Variants in CSMD1 observed in about 807,000 individuals in gnomAD.
The protein encoded by CSMD1 is CUB and sushi domain-containing protein 1.
Under a neutral mutation model 417.5 loss-of-function variants are expected in CSMD1, and 213 were observed. The ratio of observed to expected loss-of-function variants is 0.51; its 90% CI spans 0.46 to 0.57. The LOEUF (loss-of-function observed/expected upper bound fraction) is 0.57, where lower values mean the gene tolerates loss of function less well. Among genes scored for constraint, CSMD1 ranks in the 20% least tolerant of loss-of-function variants. The pLI is 0.00. For missense variants in CSMD1, 6,923 were observed against 4,529.7 expected (o/e 1.53, Z -15.17); for synonymous variants, 2,862 against 1,736.8 (o/e 1.65, Z -16.11).
At chr8:3,841,117 C>T (rs7004962) in intron 5 of CSMD1, among the ~76,000 whole-genome samples, 65,032 of 151,794 alleles carry the variant, frequency 0.43, 14,711 homozygotes, top group African/African-American at 0.57. Context: ...TCCAGGAAGC[C>T]TGGCACTATT....
At chr8:3,942,357 G>A (rs938691671) in intron 5 of CSMD1, among the ~76,000 whole-genome samples, 9 of 152,106 alleles carry the variant, frequency 5.9e-5, no homozygotes, top group Admixed American at 3.3e-4. Flanking sequence ...CGCCAAAATG[G>A]TAGAGGACGG....
intron 2 of CSMD1, among the ~76,000 whole-genome samples, chr8:4,595,296 G>A (rs555304553): frequency 1.3e-5 from 2 of 151,684 alleles, no homozygotes; most frequent in African/African-American, 2.4e-5. Flanking sequence ...AAAGGAAAGA[G>A]TAGATAAAGG....
At chr8:3,695,889 A>T (rs1303429396) in intron 7 of CSMD1, among the ~76,000 whole-genome samples, 1 of 152,180 alleles carries the variant, frequency 6.6e-6, no homozygotes, top group African/African-American at 2.4e-5. Context: ...TATTCATTGT[A>T]CTCATTTGAT....
intron 5 of CSMD1, among the ~76,000 whole-genome samples, chr8:3,944,703 G>C (rs1056175099): frequency 6.6e-6 from 1 of 152,124 alleles, no homozygotes; most frequent in Non-Finnish European, 1.5e-5. Context: ...AAATGCCTCA[G>C]GACATTTGTC....
At chr8:4,963,453 A>T (rs1585417992) in intron 1 of CSMD1, among the ~76,000 whole-genome samples, 1 of 151,442 alleles carries the variant, frequency 6.6e-6, no homozygotes, top group Non-Finnish European at 1.5e-5. Flanking sequence ...ACCCACCTCG[A>T]CCTCCCAAAG....
At position 4,814,215 on chromosome 8, in the gene CSMD1, T is replaced by TGTGTGTGC. The variant is rs138063472; in HGVS notation, c.86-176658_86-176657insGCACACAC. ...ATGATTTTGTGTGTGTGTGTGTGTG[T>TGTGTGTGC]GTGCGTGTGCGTGTGCGCATGTGCG... On this transcript the variant is annotated intron_variant, in intron 1 of 69. Transcript: ENST00000635120. Among the ~76,000 whole-genome samples, 85 of 151,594 alleles carry TGTGTGTGC rather than the reference T, an allele frequency of 5.6e-4. 1 individual carries two copies. In the South Asian group the frequency reaches 6.0e-3, roughly 11 times the overall value.
In CSMD1 at chr8:2,949,309, T is replaced by A; in HGVS notation, c.10392A>T (p.Leu3464=). The A allele has an allele frequency of 6.3e-7, 1 of 1,598,070 alleles. No individual in the cohort carries two copies. The highest frequency in any genetic ancestry group is 1.3e-5 in the African/African-American group (1 of 74,734). ...IHGKDFGKFK[L]ERQDPLNPDQ... is the part of the protein sequence containing the mutation. ...CTAAGTGCAACTTACCTTGCCTTTC[T>A]AGCTTAAATTTTCCAAAGTCTTTTC... is the stretch of plus-strand genomic sequence containing the variant. The change falls in exon 68 of 70, where the codon CTA becomes CTT. Residue 3464 remains leucine (L), a synonymous_variant. Transcript: ENST00000635120.
intron 10 of CSMD1, among the ~76,000 whole-genome samples, chr8:3,557,286 G>C (rs984168156): frequency 1.4e-4 from 21 of 152,178 alleles, no homozygotes; most frequent in African/African-American, 4.6e-4. Context: ...GGAGACAGCT[G>C]TACCTATTTT....
chr8:3,991,990 T>A (rs1037108235), intron 5 of CSMD1, among the ~76,000 whole-genome samples: 1 of 152,084 alleles, frequency 6.6e-6, no homozygotes, highest in African/African-American at 2.4e-5. Flanking sequence ...AAAAATACAC[T>A]ATTGAAAAAA....
At chr8:4,376,407 T>C (rs879309739) in intron 3 of CSMD1, among the ~76,000 whole-genome samples, 9 of 152,204 alleles carry the variant, frequency 5.9e-5, no homozygotes, top group Non-Finnish European at 8.8e-5. Context: ...GTGATTCTCT[T>C]GTGCATATTT....
chr8:3,364,923 A>G (rs1467319445), intron 20 of CSMD1, among the ~76,000 whole-genome samples: 2 of 152,256 alleles, frequency 1.3e-5, no homozygotes, highest in Admixed American at 6.5e-5. Context: ...GGGCACCAGA[A>G]TAAGAAACTG....
chr8:4,747,549 G>T (rs1011934517), intron 1 of CSMD1, among the ~76,000 whole-genome samples: 9 of 152,162 alleles, frequency 5.9e-5, no homozygotes. Flanking sequence ...CTTAATTTAT[G>T]ATCCTCCTAC....
intron 3 of CSMD1, among the ~76,000 whole-genome samples, chr8:4,323,363 G>C (rs1405425543): frequency 2.6e-5 from 4 of 152,118 alleles, no homozygotes; most frequent in Non-Finnish European, 4.4e-5. Context: ...ATAAACTTAT[G>C]TTCTTTCCTG....
At chr8:4,066,383 G>C (rs529490657) in intron 3 of CSMD1, among the ~76,000 whole-genome samples, 14 of 152,260 alleles carry the variant, frequency 9.2e-5, no homozygotes, top group Admixed American at 8.5e-4. Context: ...TCAGCGCAGG[G>C]ATGTTTGGCA....
At chr8:3,132,960 G>T (rs1211614409) in intron 41 of CSMD1, among the ~76,000 whole-genome samples, 4 of 152,202 alleles carry the variant, frequency 2.6e-5, no homozygotes, top group Non-Finnish European at 5.9e-5. Context: ...TCTACAAGAA[G>T]GCTGAGGGTG....
chr8:3,658,055 G>C (rs531600518), intron 7 of CSMD1, among the ~76,000 whole-genome samples: 1 of 152,112 alleles, frequency 6.6e-6, no homozygotes, highest in Admixed American at 6.6e-5. Context: ...GAGCATAACA[G>C]CGTCAGCCCA....
chr8:4,875,232 G>C (rs1320118854), intron 1 of CSMD1, among the ~76,000 whole-genome samples: 1 of 151,938 alleles, frequency 6.6e-6, no homozygotes, highest in Non-Finnish European at 1.5e-5. Context: ...ATAAGCATGA[G>C]AATTATATAT....
chr8:4,080,312 G>A (rs1218557286), intron 3 of CSMD1, among the ~76,000 whole-genome samples: 2 of 152,090 alleles, frequency 1.3e-5, no homozygotes, highest in African/African-American at 4.8e-5. Context: ...TAAGAGTAAG[G>A]CACGATCTTA....
rs559219889 is a variant in CSMD1 at position 3,199,840 on chromosome 8, A to G, written c.5099-31T>C. On this transcript the variant is annotated intron_variant, in intron 32 of 69. Transcript: ENST00000635120. ...AACGAAAACAGAGACAGATTCAGAA[A>G]ACACACAGCACCGTGGGGGACGGTA... is the stretch of plus-strand genomic sequence containing the variant. 1.4e-5 allele frequency: 19 copies of G among 1,386,426 alleles called. No individual in the cohort carries two copies. In the South Asian group the frequency reaches 2.1e-4, roughly 15 times the overall value. 85.9% of individuals were successfully genotyped at this position (1,386,426 alleles called of 1,614,324 possible).
Sources: gnomAD v4.1 joint callset for allele counts (sites outside exome capture counted in the v4.1 genomes callset) on GRCh38, gnomAD v4.1.1 for gene constraint, MANE v1.5 for transcripts, NCBI Gene and HGNC (gene_info 2026-07-23, HGNC 2026-07-21) for gene names.